RALGPS2: variants seen among roughly 807,000 people sequenced by gnomAD.
RALGPS2 encodes Ral GEF with PH domain and SH3 binding motif 2.
In RALGPS2, 43 loss-of-function variants were observed where a neutral mutation model predicts 86.8. The observed-to-expected ratio is 0.50, with a 90% CI of 0.39 to 0.64. The LOEUF (loss-of-function observed/expected upper bound fraction) is 0.64. Among genes scored for constraint, RALGPS2 ranks in the 30% least tolerant of loss-of-function variants. The probability of loss-of-function intolerance (pLI) is 0.00; values close to 1 mark genes in which losing one functional copy is unlikely to be tolerated. For missense variants in RALGPS2, 536 were observed against 694.6 expected (o/e 0.77, Z 2.57); for synonymous variants, 243 against 231.3 (o/e 1.05, Z -0.46).
intron 13 of RALGPS2, among the ~76,000 whole-genome samples, chr1:178,887,282 A>G (rs765184410): frequency 1.6e-4 from 25 of 152,184 alleles, no homozygotes; most frequent in Non-Finnish European, 3.4e-4. Context: ...GCAAAACCCC[A>G]TCTCTACTAA....
At chr1:178,779,001 CT>C in intron 2 of RALGPS2, among the ~76,000 whole-genome samples, 1 of 152,138 alleles carries the variant, frequency 6.6e-6, no homozygotes, top group Admixed American at 6.5e-5. Flanking sequence ...CATAGAATTT[CT>C]TTTTAGAGTA....
Position 178,916,478 on chromosome 1 carries a change from C to A in RALGPS2, c.*119C>A. 4.4e-6 allele frequency: 4 copies of A among 905,590 alleles called. No homozygotes were observed. The South Asian group carries it at 7.3e-5, about 17-fold the overall frequency. 56.1% of individuals were successfully genotyped at this position (905,590 alleles called of 1,614,324 possible). On this transcript the variant is annotated 3_prime_UTR_variant, in exon 20 of 20. Coordinates refer to ENST00000367635, the MANE Select transcript of RALGPS2 (RefSeq NM_152663.5). ...AAGAGCCCAGAGGCTCTGTCTCAGT[C>A]GTTGGAGTTCTCAACCAAAAAAGCA...
chr1:178,816,610 T>C (rs1412566991), intron 6 of RALGPS2, among the ~76,000 whole-genome samples: 1 of 152,176 alleles, frequency 6.6e-6, no homozygotes, highest in Non-Finnish European at 1.5e-5. Flanking sequence ...TCTTTGTGGT[T>C]ACTGTGTTTT....
At chr1:178,845,836 T>A (rs1264444260) in intron 8 of RALGPS2, among the ~76,000 whole-genome samples, 2 of 152,144 alleles carry the variant, frequency 1.3e-5, no homozygotes, top group Non-Finnish European at 2.9e-5. Context: ...ATTACAAAGG[T>A]CCAGGATATC....
In RALGPS2 at chr1:178,760,197, G is replaced by A. The variant is rs183274748; in HGVS notation, c.-83-16485G>A. Among the ~76,000 whole-genome samples the A allele has an allele frequency of 1.2e-3, 177 of 151,972 alleles. 2 individuals are homozygous for A. Among genetic ancestry groups the A allele is most frequent in the African/African-American group, 3.9e-3 (162 of 41,296 alleles). ...TGGTTGATGGGTGGAGTATTCTGTAGGTGACTATTAGGTCCAGTTGGTCTG... is the reference window on the plus strand; with the variant it reads ...TGGTTGATGGGTGGAGTATTCTGTAAGTGACTATTAGGTCCAGTTGGTCTG... On this transcript the variant is annotated intron_variant, in intron 1 of 19. Coordinates refer to ENST00000367635, the MANE Select transcript of RALGPS2 (RefSeq NM_152663.5).
chr1:178,747,333 T>C (rs979194147), intron 1 of RALGPS2: 43 of 1,531,416 alleles, frequency 2.8e-5, no homozygotes, highest in Admixed American at 2.0e-4. Context: ...AAGTGAGATA[T>C]TGTTCTGGTT....
chr1:178,852,417 C>T (rs1657234126), intron 8 of RALGPS2, among the ~76,000 whole-genome samples: 1 of 152,194 alleles, frequency 6.6e-6, no homozygotes, highest in Non-Finnish European at 1.5e-5. Flanking sequence ...ATTGTAGGCA[C>T]TTGCATTTTA....
intron 1 of RALGPS2, among the ~76,000 whole-genome samples, chr1:178,760,582 G>T (rs1652188630): frequency 6.6e-6 from 1 of 151,944 alleles, no homozygotes; most frequent in South Asian, 2.1e-4. Context: ...ATGTGAGATG[G>T]GTCTCTTGAA....
intron 1 of RALGPS2, among the ~76,000 whole-genome samples, chr1:178,760,618 T>C (rs1652190548): frequency 6.6e-6 from 1 of 152,180 alleles, no homozygotes; most frequent in Non-Finnish European, 1.5e-5. Context: ...GGTCTTGTTT[T>C]TCTTATCCAG....
intron 4 of RALGPS2, among the ~76,000 whole-genome samples, chr1:178,805,708 A>G (rs534452086): frequency 6.6e-6 from 1 of 152,194 alleles, no homozygotes; most frequent in African/African-American, 2.4e-5. Context: ...ATAGAAGATG[A>G]TTTCACTGTC....
intron 17 of RALGPS2, among the ~76,000 whole-genome samples, chr1:178,901,374 A>G (rs1660168367): frequency 6.6e-6 from 1 of 151,972 alleles, no homozygotes; most frequent in African/African-American, 2.4e-5. Flanking sequence ...GTGTTTTACC[A>G]TGTACACGTC....
rs111822008 is a variant in RALGPS2 at position 178,851,661 on chromosome 1, C to G, written c.607+18111C>G. On this transcript the variant is annotated intron_variant, in intron 8 of 19. Coordinates refer to ENST00000367635, the MANE Select transcript of RALGPS2 (RefSeq NM_152663.5). ...GAAAGATACAGAAGAAGATAAAAGTCTGAGGAAAATTGAATTGTCAAAATA... is the reference window on the plus strand; with the variant it reads ...GAAAGATACAGAAGAAGATAAAAGTGTGAGGAAAATTGAATTGTCAAAATA... 1.3e-3 allele frequency among the ~76,000 whole-genome samples: 193 copies of G among 152,144 alleles called. 2 individuals are homozygous for G. The highest frequency in any genetic ancestry group is 4.3e-3 in the African/African-American group (177 of 41,526).
rs759728972 is a variant in RALGPS2 at position 178,808,101 on chromosome 1, A to T, written c.270A>T (p.Ala90=). The change falls in exon 5 of 20, where the codon GCA becomes GCT. Residue 90 remains alanine (A), a synonymous_variant. Transcript: ENST00000367635. ...KKEKYSSAPN[A]VAFTRRFNHV... The stretch of plus-strand genomic sequence containing the variant: ...AAAAATATAGTTCTGCACCAAATGC[A>T]GTTGCCTTCACAAGAAGATTCAATC... The T allele has an allele frequency of 5.0e-6, 8 of 1,609,818 alleles. No individual in the cohort carries two copies. Among genetic ancestry groups the T allele is most frequent in the Non-Finnish European group, 6.8e-6 (8 of 1,176,630 alleles).
At chr1:178,845,412 A>C (rs180707254) in intron 8 of RALGPS2, among the ~76,000 whole-genome samples, 2 of 152,236 alleles carry the variant, frequency 1.3e-5, no homozygotes, top group African/African-American at 4.8e-5. Context: ...TTCCTTGCCT[A>C]CTGCTCTCTG....
chr1:178,854,496 T>C (rs915750864), intron 8 of RALGPS2, among the ~76,000 whole-genome samples: 2 of 152,064 alleles, frequency 1.3e-5, no homozygotes, highest in Non-Finnish European at 2.9e-5. Context: ...ATCTTAAATT[T>C]CCCCCAACAA....
intron 1 of RALGPS2, among the ~76,000 whole-genome samples, chr1:178,759,732 A>AT (rs796098883): frequency 2.5e-4 from 38 of 149,612 alleles, no homozygotes; most frequent in South Asian, 6.3e-4. Flanking sequence ...TGCAATATCC[A>AT]TTTTTTTTTG....
intron 1 of RALGPS2, among the ~76,000 whole-genome samples, chr1:178,742,090 C>T (rs561425803): frequency 2.1e-5 from 3 of 145,432 alleles, no homozygotes; most frequent in Admixed American, 7.2e-5. Flanking sequence ...GAGCTGAGAT[C>T]GTGCCGCTGC....
chr1:178,881,612 G>A (rs1444948969), intron 10 of RALGPS2, among the ~76,000 whole-genome samples: 5 of 151,952 alleles, frequency 3.3e-5, no homozygotes, highest in African/African-American at 4.8e-5. Context: ...CATCATGCCC[G>A]GCTAATTTTT....
chr1:178,753,375 A>C (rs1163674432), intron 1 of RALGPS2, among the ~76,000 whole-genome samples: 2 of 152,184 alleles, frequency 1.3e-5, no homozygotes, highest in Non-Finnish European at 2.9e-5. Flanking sequence ...CAAATATTAA[A>C]ATTAGAGAAG....
Sources: allele counts gnomAD v4.1 joint callset (sites outside exome capture counted in the v4.1 genomes callset), GRCh38; gene constraint gnomAD v4.1.1; transcripts MANE v1.5; gene names NCBI Gene and HGNC (gene_info 2026-07-23, HGNC 2026-07-21).